The following FOXP1 variants were observed in gnomAD, a reference collection of about 807,000 sequenced individuals.
The protein encoded by FOXP1 is forkhead box protein P1.
Under a neutral mutation model 98.2 loss-of-function variants are expected in FOXP1, and 15 were observed. The observed-to-expected ratio is 0.15, with a 90% CI of 0.10 to 0.24. FOXP1 has a LOEUF of 0.24. Among genes scored for constraint, FOXP1 ranks in the 10% least tolerant of loss-of-function variants. FOXP1 has a pLI of 1.00. For synonymous variants in FOXP1, 371 were observed against 314.5 expected (o/e 1.18, Z -1.90); for missense variants, 633 against 848.5 (o/e 0.75, Z 3.15).
At chr3:71,133,970 C>T (rs2059696972) in intron 6 of FOXP1, among the ~76,000 whole-genome samples, 1 of 152,162 alleles carries the variant, frequency 6.6e-6, no homozygotes, top group South Asian at 2.1e-4. Context: ...AGCTGTAATA[C>T]TCCTTGTCCC....
Position 70,959,296 on chromosome 3 carries a change from T to C in FOXP1, c.1985A>G (p.Asp662Gly), listed in dbSNP as rs2106856378. 1 of 1,614,012 alleles carries C rather than the reference T, an allele frequency of 6.2e-7. No homozygotes were observed. Among genetic ancestry groups the C allele is most frequent in the Non-Finnish European group, 8.5e-7 (1 of 1,179,984 alleles). Residue 662 changes from aspartate (D) to glycine (G), a missense_variant, in exon 21 of 21, where the codon GAC becomes GGC. Asp to Gly is a moderately conservative substitution (Grantham distance 94). This residue lies in a region of FOXP1 where 150 missense variants were observed against 163.7 expected (regional missense o/e 0.92). Transcript: ENST00000649528. The part of the protein sequence containing the change: ...VTTANHSPDF[D>G]HDRDYEDEPV... ...TTCATCTTCGTAATCTCTGTCATGG[T>C]CAAAATCTGGACTGTGGTTGGCTGT...
chr3:70,967,288 G>A (rs867615844), intron 19 of FOXP1, among the ~76,000 whole-genome samples: 5 of 152,274 alleles, frequency 3.3e-5, no homozygotes, highest in Admixed American at 2.0e-4. Context: ...TATGACAATC[G>A]CAGCCTCACT....
chr3:70,986,152 C>A (rs956168470), intron 14 of FOXP1, among the ~76,000 whole-genome samples: 2 of 152,028 alleles, frequency 1.3e-5, no homozygotes, highest in Admixed American at 1.3e-4. Flanking sequence ...ACCTTCCATC[C>A]CTGTTCACTT....
rs192821524 is a variant in FOXP1, at chr3:70,999,571, A to G, written c.1062+1401T>C. Among the ~76,000 whole-genome samples, 8 of 152,290 alleles carry G rather than the reference A, an allele frequency of 5.3e-5. No individual in the cohort carries two copies. In the East Asian group the frequency reaches 1.2e-3, roughly 22 times the overall value. On this transcript the variant is annotated intron_variant, in intron 13 of 20. Coordinates refer to ENST00000649528, the MANE Select transcript of FOXP1 (RefSeq NM_001349338.3). ...CTTGTATAAATATCTTACTGTTCTA[A>G]TAAGTTTATATCCAGAGTTTGAATG...
At chr3:71,033,014 C>T (rs2047076969) in intron 11 of FOXP1, among the ~76,000 whole-genome samples, 1 of 152,108 alleles carries the variant, frequency 6.6e-6, no homozygotes, top group South Asian at 2.1e-4. Context: ...AAACCGAGTA[C>T]CATGGACAAT....
intron 3 of FOXP1, among the ~76,000 whole-genome samples, chr3:71,434,926 G>C (rs769737806): frequency 6.6e-6 from 1 of 151,858 alleles, no homozygotes; most frequent in Non-Finnish European, 1.5e-5. Context: ...AAAGCGCTTG[G>C]CTAACAGGCC....
intron 3 of FOXP1, among the ~76,000 whole-genome samples, chr3:71,481,734 C>T (rs1185649098): frequency 6.6e-6 from 1 of 152,044 alleles, no homozygotes; most frequent in Admixed American, 6.6e-5. Flanking sequence ...AAGAAATATT[C>T]CTCTAGATTA....
chr3:71,341,128 ACCAACCAGACAT>A (rs2076982214), intron 4 of FOXP1, among the ~76,000 whole-genome samples: 1 of 151,958 alleles, frequency 6.6e-6, no homozygotes, highest in East Asian at 1.9e-4. Context: ...CTAGGAACCA[ACCAACCAGACAT>A]CCATCCATAG....
intron 4 of FOXP1, among the ~76,000 whole-genome samples, chr3:71,348,522 C>CGTGTGTGTGTGT (rs772944612): frequency 1.7e-4 from 12 of 70,002 alleles, no homozygotes; most frequent in African/African-American, 4.4e-4. Flanking sequence ...TGTGTGTGTG[C>CGTGTGTGTGTGT]GTGTGTGTGT....
intron 4 of FOXP1, among the ~76,000 whole-genome samples, chr3:71,315,752 G>C (rs759715026): frequency 9.2e-5 from 14 of 152,152 alleles, no homozygotes; most frequent in Non-Finnish European, 1.8e-4. Flanking sequence ...GTCATGTTAA[G>C]AGGAGATTTA....
At chr3:70,972,002 GGCTCTTACTGTGCGACAA>G in intron 18 of FOXP1, 1 of 1,401,668 alleles carries the variant, frequency 7.1e-7, no homozygotes, top group Non-Finnish European at 9.2e-7. Context: ...AGCAAGTAAA[GGCTCTTACTGTGCGACAA>G]GCTCGTCAAA....
At chr3:71,557,345 A>G (rs2046216194) in intron 2 of FOXP1, among the ~76,000 whole-genome samples, 1 of 151,864 alleles carries the variant, frequency 6.6e-6, no homozygotes. Context: ...GTCAATTTAT[A>G]TCTTTCTCTG....
chr3:71,524,873 G>A (rs910869500), intron 2 of FOXP1, among the ~76,000 whole-genome samples: 1 of 152,172 alleles, frequency 6.6e-6, no homozygotes, highest in Non-Finnish European at 1.5e-5. Flanking sequence ...CAAGGTCACA[G>A]GGTCAAAGGG....
intron 2 of FOXP1, among the ~76,000 whole-genome samples, chr3:71,560,517 T>C (rs1398009822): frequency 6.6e-6 from 1 of 152,144 alleles, no homozygotes; most frequent in African/African-American, 2.4e-5. Flanking sequence ...AGGTTAAACA[T>C]AGAAGGTAGC....
intron 7 of FOXP1, among the ~76,000 whole-genome samples, chr3:71,066,973 T>C (rs1359958016): frequency 6.6e-6 from 1 of 152,136 alleles, no homozygotes; most frequent in Non-Finnish European, 1.5e-5. Flanking sequence ...AATGCAGTGC[T>C]TACTCAACTA....
intron 7 of FOXP1, among the ~76,000 whole-genome samples, chr3:71,106,157 C>T (rs1401011299): frequency 6.6e-6 from 1 of 152,192 alleles, no homozygotes; most frequent in Non-Finnish European, 1.5e-5. Flanking sequence ...ACTGCCTATA[C>T]TACAGAGTAG....
chr3:71,258,328 A>G (rs570654792), intron 5 of FOXP1, among the ~76,000 whole-genome samples: 16 of 152,154 alleles, frequency 1.1e-4, no homozygotes, highest in East Asian at 3.9e-4. Flanking sequence ...GGAGAGGAGG[A>G]AAAAAAAGAC....
At chr3:71,035,236 A>T (rs1187551747) in intron 11 of FOXP1, among the ~76,000 whole-genome samples, 1 of 152,098 alleles carries the variant, frequency 6.6e-6, no homozygotes, top group Non-Finnish European at 1.5e-5. Flanking sequence ...AAATTCCTGC[A>T]CCCCATCTCA....
intron 5 of FOXP1, among the ~76,000 whole-genome samples, chr3:71,256,132 T>A (rs1396412444): frequency 6.6e-6 from 1 of 152,168 alleles, no homozygotes; most frequent in African/African-American, 2.4e-5. Context: ...GATGAAGACA[T>A]CCAAGGTAAA....
Sources: allele counts gnomAD v4.1 joint callset (sites outside exome capture counted in the v4.1 genomes callset), GRCh38; gene constraint gnomAD v4.1.1; regional missense constraint gnomAD v4.1.1; transcripts MANE v1.5; gene names NCBI Gene and HGNC (gene_info 2026-07-23, HGNC 2026-07-21).